The following SLC17A9 variants were observed in gnomAD, a reference collection of about 807,000 sequenced individuals.
SLC17A9 encodes the protein solute carrier family 17 member 9.
A neutral mutation model predicts 55.0 loss-of-function variants in SLC17A9; 49 were observed. That is an observed-to-expected ratio of 0.89 (90% CI 0.71 to 1.13). SLC17A9 has a LOEUF of 1.13. SLC17A9 is among the 50% of genes most tolerant of loss of function. The pLI is 0.00. For synonymous variants in SLC17A9, 256 were observed against 247.4 expected (o/e 1.03, Z -0.32); for missense variants, 526 against 569.3 (o/e 0.92, Z 0.77).
chr20:62,965,793 A>C (rs1371582987), intron 10 of SLC17A9, 68 bp downstream of exon 10: 8 of 1,437,114 alleles, frequency 5.6e-6, no homozygotes, highest in Non-Finnish European at 7.8e-6. Flanking sequence ...GCACATGTGA[A>C]GAGGGAGCTC....
chr20:62,954,566 A>AC (rs1450695643), intron 1 of SLC17A9, among the ~76,000 whole-genome samples: 4 of 151,918 alleles, frequency 2.6e-5, no homozygotes, highest in East Asian at 3.9e-4. Flanking sequence ...TTCTTGGCAC[A>AC]CCCCCCGTCC....
chr20:62,957,764 C>A (rs1356773098), intron 3 of SLC17A9, among the ~76,000 whole-genome samples, 184 bp downstream of exon 3: 1 of 146,288 alleles, frequency 6.8e-6, no homozygotes. Flanking sequence ...GTGTGTATGG[C>A]ATGCCCGCGT....
chr20:62,967,456 C>T lies in SLC17A9; in HGVS notation c.1267C>T (p.Gln423Ter). Residue 423 changes from glutamine (Q) to a stop codon, truncating the protein, a stop_gained, in exon 13 of 13, where the codon CAG becomes TAG. Coordinates refer to ENST00000370351, the MANE Select transcript of SLC17A9 (RefSeq NM_022082.4). LOFTEE classifies it high-confidence loss of function. ...LGLCTFLVFG[Q>*]AQRVDLSSTH... ...GCTGTGCACCTTCCTGGTGTTTGGA[C>T]AGGCTCAGAGGGTGGACCTGAGCTC... 1 of 1,614,180 alleles carries T rather than the reference C, an allele frequency of 6.2e-7. No homozygotes were observed. Among genetic ancestry groups the T allele is most frequent in the East Asian group, 2.2e-5 (1 of 44,886 alleles).
intron 1 of SLC17A9, among the ~76,000 whole-genome samples, chr20:62,953,609 C>T (rs2065510853): frequency 6.6e-6 from 1 of 152,240 alleles, no homozygotes; most frequent in African/African-American, 2.4e-5. Flanking sequence ...AGTGGCTGGA[C>T]CCTGGGCCTA....
intron 3 of SLC17A9, among the ~76,000 whole-genome samples, chr20:62,959,284 C>T (rs2065568698): frequency 6.6e-6 from 1 of 152,222 alleles, no homozygotes; most frequent in Non-Finnish European, 1.5e-5. Flanking sequence ...CAGCCAGACC[C>T]CGTAGGCTCG....
rs1386247274 is a variant in SLC17A9, at chr20:62,962,616, C to G, written c.498-8C>G. 6.2e-7 allele frequency: 1 copy of G among 1,613,458 alleles called. No homozygotes were observed. The highest frequency in any genetic ancestry group is 8.5e-7 in the Non-Finnish European group (1 of 1,179,706). ...AGGGGCCTGGCCACACTCCCCCTGTCTTTGCAGGACGCTGCTGACCGGGGC... is the reference window on the plus strand; with the variant it reads ...AGGGGCCTGGCCACACTCCCCCTGTGTTTGCAGGACGCTGCTGACCGGGGC... On this transcript the variant is annotated splice_region_variant and splice_polypyrimidine_tract_variant and intron_variant, in intron 4 of 12. Coordinates refer to ENST00000370351, the MANE Select transcript of SLC17A9 (RefSeq NM_022082.4). This position sits in a 1 kb window ranked among gnomAD's most constrained non-coding sequence, Gnocchi z 5.5.
At chr20:62,963,034 G>A in intron 5 of SLC17A9, 3 of 633,226 alleles carry the variant, frequency 4.7e-6, no homozygotes, top group South Asian at 3.9e-5. Flanking sequence ...GTCTTTGGGT[G>A]GCCAGGGGGC....
At chr20:62,960,816 C>T (rs1404036036) in intron 4 of SLC17A9, among the ~76,000 whole-genome samples, 2 of 152,382 alleles carry the variant, frequency 1.3e-5, no homozygotes, top group African/African-American at 4.8e-5. Context: ...ATATTTCTGC[C>T]TTTCTGGAGT....
chr20:62,966,568 G>T lies in SLC17A9; in HGVS notation c.1105G>T (p.Gly369Cys). Reference protein sequence around the residue: ...NIQDLAPSCAGFLFGVANTAG... With the variant: ...NIQDLAPSCACFLFGVANTAG... The stretch of plus-strand genomic sequence containing the variant: ...CCAGGACTTGGCCCCGTCCTGCGCC[G>T]GCTTTCTGTTTGGTGAGGACCTTGC... Residue 369 changes from glycine (G) to cysteine (C), a missense_variant, in exon 11 of 13, where the codon GGC becomes TGC. Coordinates refer to ENST00000370351, the MANE Select transcript of SLC17A9 (RefSeq NM_022082.4). 2.5e-6 allele frequency: 4 copies of T among 1,604,424 alleles called. No individual in the cohort carries two copies. The highest frequency in any genetic ancestry group is 3.4e-6 in the Non-Finnish European group (4 of 1,176,532).
Position 62,962,924 on chromosome 20 carries a change from C to A in SLC17A9, c.628+170C>A. On this transcript the variant is annotated intron_variant, in intron 5 of 12. Coordinates refer to ENST00000370351, the MANE Select transcript of SLC17A9 (RefSeq NM_022082.4). This position sits in a 1 kb window ranked among gnomAD's most constrained non-coding sequence, Gnocchi z 5.5. ...CTCGGGTGCTGAGCTGTCAGCGGCT[C>A]CGCCACCCAATTCGATCTGGAAGGT... The A allele has an allele frequency of 1.1e-6, 1 of 950,298 alleles. No homozygotes were observed. The highest frequency in any genetic ancestry group is 1.5e-6 in the Non-Finnish European group (1 of 650,198). 58.9% of individuals were successfully genotyped at this position (950,298 alleles called of 1,614,324 possible). A position where few individuals can be genotyped will look rare whatever the true frequency, so the allele number is the denominator to read the frequency against.
Position 62,965,884 on chromosome 20 carries a change from G to T in SLC17A9, c.1061+159G>T, listed in dbSNP as rs535526869. On this transcript the variant is annotated intron_variant, in intron 10 of 12. Transcript: ENST00000370351. Reference sequence around the variant, plus strand: ...CAGTGACTGCACTGAAGACCCAGTAGTTCTTTAGGAACCAGCAATTCACTT... The same window carrying T: ...CAGTGACTGCACTGAAGACCCAGTATTTCTTTAGGAACCAGCAATTCACTT... Among the ~76,000 whole-genome samples the T allele has an allele frequency of 2.0e-5, 3 of 152,396 alleles. No homozygotes were observed. The East Asian group carries it at 5.8e-4, about 29-fold the overall frequency.
chr20:62,957,925 G>A (rs2065555651), intron 3 of SLC17A9, among the ~76,000 whole-genome samples: 1 of 152,028 alleles, frequency 6.6e-6, no homozygotes, highest in Non-Finnish European at 1.5e-5. Flanking sequence ...GCGTGTGCAA[G>A]TGCATATGTC....
intron 8 of SLC17A9, among the ~76,000 whole-genome samples, chr20:62,964,777 GTT>G (rs2065620185): frequency 6.6e-6 from 1 of 152,224 alleles, no homozygotes; most frequent in Non-Finnish European, 1.5e-5. Flanking sequence ...GAATGTTCGT[GTT>G]TTTCCTAATT....
In SLC17A9 at chr20:62,957,996, G is replaced by A. The variant is rs543010603; in HGVS notation, c.397+416G>A. 8.5e-5 allele frequency among the ~76,000 whole-genome samples: 13 copies of A among 152,276 alleles called. 1 individual carries two copies. The highest frequency in any genetic ancestry group is 7.2e-5 in the African/African-American group (3 of 41,550). The stretch of plus-strand genomic sequence containing the variant: ...TGTTTGTGCTTGTGCGTGTGCGTAC[G>A]TATGTGTGCATGCACATGTGTGAGC... On this transcript the variant is annotated intron_variant, in intron 3 of 12. Transcript: ENST00000370351.
chr20:62,954,217 G>A (rs894282998), intron 1 of SLC17A9, among the ~76,000 whole-genome samples: 9 of 152,242 alleles, frequency 5.9e-5, no homozygotes, highest in Non-Finnish European at 1.3e-4. Flanking sequence ...CCCTTATTGG[G>A]TAGCGCCAAG....
intron 4 of SLC17A9, among the ~76,000 whole-genome samples, chr20:62,961,789 C>T (rs2065591221): frequency 6.6e-6 from 1 of 152,230 alleles, no homozygotes; most frequent in African/African-American, 2.4e-5. Context: ...CATTGAGTGT[C>T]TTGCGGTTTT....
Position 62,952,768 on chromosome 20 carries a change from C to T in SLC17A9, c.-63C>T. 6.6e-7 allele frequency: 1 copy of T among 1,511,654 alleles called. No individual in the cohort carries two copies. Among genetic ancestry groups the T allele is most frequent in the East Asian group, 2.5e-5 (1 of 40,250 alleles). 93.6% of individuals were successfully genotyped at this position (1,511,654 alleles called of 1,614,324 possible). On this transcript the variant is annotated 5_prime_UTR_variant, in exon 1 of 13. Transcript: ENST00000370351. ...GGGCGGTGCTGCCCGGGTGGGTCAG[C>T]CTGGGCTGGGAGGCAGCCCCGGGAC... is the stretch of plus-strand genomic sequence containing the variant.
Position 62,956,973 on chromosome 20 carries a change from A to G in SLC17A9, c.257+11A>G. ...CCACCTCGGGGATCGGTAACTGCCC[A>G]TCTTCCCCATCTCCTGGCTGGTGGG... On this transcript the variant is annotated intron_variant, in intron 2 of 12. Coordinates refer to ENST00000370351, the MANE Select transcript of SLC17A9 (RefSeq NM_022082.4). 6.2e-7 allele frequency: 1 copy of G among 1,613,090 alleles called. No individual in the cohort carries two copies.
rs753080860 is a variant in SLC17A9 at position 62,953,221 on chromosome 20, C to T, written c.59+332C>T. On this transcript the variant is annotated intron_variant, in intron 1 of 12. Transcript: ENST00000370351. Reference sequence around the variant, plus strand: ...CATACCCCTCGCCAGGTGGAACCACCCTGTGTATGCATGACCCTGACAAGC... The same window carrying T: ...CATACCCCTCGCCAGGTGGAACCACTCTGTGTATGCATGACCCTGACAAGC... 17 of 1,550,336 alleles carry T rather than the reference C, an allele frequency of 1.1e-5. No individual in the cohort carries two copies. The Middle Eastern group carries it at 5.0e-4, about 46-fold the overall frequency.
Sources: allele counts gnomAD v4.1 joint callset (sites outside exome capture counted in the v4.1 genomes callset), GRCh38; gene constraint gnomAD v4.1.1; non-coding constraint Gnocchi (gnomAD v3.1); transcripts MANE v1.5; gene names NCBI Gene and HGNC (gene_info 2026-07-23, HGNC 2026-07-21).